Variants in TRIM49C observed in about 807,000 individuals in gnomAD.
TRIM49C encodes tripartite motif containing 49C.
In TRIM49C, 6 loss-of-function variants were observed where a neutral mutation model predicts 21.4. The ratio of observed to expected loss-of-function variants is 0.28; its 90% CI spans 0.15 to 0.55. The LOEUF (loss-of-function observed/expected upper bound fraction) is 0.55. TRIM49C is among the 20% of genes least tolerant of loss of function. TRIM49C has a pLI of 0.94. For missense variants in TRIM49C, 161 were observed against 442.4 expected, an observed-to-expected ratio of 0.36 and a Z score of 5.71; for synonymous variants, 57 against 148.1, an observed-to-expected ratio of 0.38 and a Z score of 4.47.
At chr11:90,060,255 G>A in the TRIM49C span, among the ~76,000 whole-genome samples, 6 of 138,896 alleles carry the variant, frequency 4.3e-5, no homozygotes, top group African/African-American at 5.5e-5. Context: ...TCACCTTGCC[G>A]ATACATTTCC....
the TRIM49C span, among the ~76,000 whole-genome samples, chr11:90,069,518 G>C: frequency 4.2e-3 from 546 of 128,640 alleles, 23 homozygotes; most frequent in African/African-American, 0.011. Flanking sequence ...GCTATTTCAT[G>C]TATTTCAGCT....
intron 2 of TRIM49C, among the ~76,000 whole-genome samples, chr11:90,034,827 T>C (rs1232660514): frequency 7.4e-6 from 1 of 134,648 alleles, no homozygotes; most frequent in Non-Finnish European, 1.6e-5. Context: ...GGATAGTTTT[T>C]TCCCTCCCAC....
the TRIM49C span, chr11:90,071,889 G>A: frequency 2.0e-5 from 11 of 554,372 alleles, no homozygotes; most frequent in African/African-American, 1.9e-4. Flanking sequence ...TCATCTAGAA[G>A]AAGAGAATAG....
downstream of TRIM49C, among the ~76,000 whole-genome samples, chr11:90,043,300 A>G (rs1300185996): frequency 6.6e-5 from 9 of 136,692 alleles, 1 homozygote; most frequent in African/African-American, 1.1e-4. Context: ...ATGATGGCAC[A>G]TGCTATAGTC....
At chr11:90,065,837 T>C in the TRIM49C span, among the ~76,000 whole-genome samples, 1 of 135,840 alleles carries the variant, frequency 7.4e-6, no homozygotes, top group Non-Finnish European at 1.6e-5. Flanking sequence ...GCACTTGTAA[T>C]CCTAGCTACT....
the TRIM49C span, chr11:90,071,751 G>T: frequency 1.6e-6 from 2 of 1,245,862 alleles, no homozygotes; most frequent in East Asian, 5.7e-5. Context: ...GCTCCCTACA[G>T]GGCCCATCAC....
the TRIM49C span, among the ~76,000 whole-genome samples, chr11:90,056,254 C>T: frequency 7.2e-6 from 1 of 137,962 alleles, no homozygotes; most frequent in Admixed American, 8.0e-5. Flanking sequence ...GCCACCGCGC[C>T]CAGCCCATCT....
At chr11:90,062,422 A>G in the TRIM49C span, among the ~76,000 whole-genome samples, 1 of 139,018 alleles carries the variant, frequency 7.2e-6, no homozygotes, top group African/African-American at 2.8e-5. Context: ...CTGTGATTAG[A>G]GTGCCAAATT....
the TRIM49C span, among the ~76,000 whole-genome samples, chr11:90,064,310 C>A: frequency 6.6e-6 from 1 of 151,464 alleles, no homozygotes. Flanking sequence ...AGAGAGAACA[C>A]TTTCACATTC....
At chr11:90,056,324 C>T in the TRIM49C span, among the ~76,000 whole-genome samples, 5 of 129,326 alleles carry the variant, frequency 3.9e-5, 1 homozygote, top group Non-Finnish European at 5.0e-5. Context: ...AAGGTTTATA[C>T]CACTTTATGC....
the TRIM49C span, among the ~76,000 whole-genome samples, chr11:90,067,282 G>T: frequency 1.4e-5 from 2 of 139,630 alleles, 1 homozygote; most frequent in African/African-American, 5.1e-5. Context: ...TTATGCTACT[G>T]TGAGCAGCAG....
chr11:90,070,579 G>C, the TRIM49C span, among the ~76,000 whole-genome samples: 2 of 139,130 alleles, frequency 1.4e-5, 1 homozygote, highest in Non-Finnish European at 3.1e-5. Flanking sequence ...AACATGGCAT[G>C]ACACTCCTCT....
Position 90,041,212 on chromosome 11 carries a change from T to C in TRIM49C, c.1021T>C (p.Tyr341His). Residue 341 changes from tyrosine (Y) to histidine (H), a missense_variant, in exon 8 of 8, where the codon TAT becomes CAT. This residue lies in a region of TRIM49C where 80 missense variants were observed against 314.8 expected (regional missense o/e 0.25). Transcript: ENST00000448984. ...WGVQTFTSGKYYWEVHVGDSW... is the reference protein window; with the variant it reads ...WGVQTFTSGKHYWEVHVGDSW... ...TGTTCAGACTTTCACCTCGGGCAAA[T>C]ATTACTGGGAGGTCCATGTAGGGGA... is the stretch of plus-strand genomic sequence containing the variant. The C allele has an allele frequency of 6.3e-7, 1 of 1,594,584 alleles. No homozygotes were observed. The highest frequency in any genetic ancestry group is 2.3e-5 in the East Asian group (1 of 44,146).
the TRIM49C span, among the ~76,000 whole-genome samples, chr11:90,055,618 T>C: frequency 4.7e-3 from 715 of 151,114 alleles, 13 homozygotes; most frequent in Middle Eastern, 0.048. Flanking sequence ...ATCTGCCTAA[T>C]TTTGAACCTA....
At chr11:90,035,139 A>G (rs1336744664) in intron 2 of TRIM49C, 69 bp from the exon 3 acceptor site, 5 of 1,573,664 alleles carry the variant, frequency 3.2e-6, no homozygotes, top group Non-Finnish European at 4.3e-6. Flanking sequence ...ACTATCACAT[A>G]TCTCCACATG....
At chr11:90,070,547 C>G in the TRIM49C span, among the ~76,000 whole-genome samples, 1 of 136,994 alleles carries the variant, frequency 7.3e-6, no homozygotes, top group African/African-American at 2.7e-5. Flanking sequence ...GGTAACTAGG[C>G]AGAGAATGTT....
the TRIM49C span, among the ~76,000 whole-genome samples, chr11:90,070,901 C>T: frequency 7.1e-6 from 1 of 140,756 alleles, no homozygotes; most frequent in Non-Finnish European, 1.5e-5. Flanking sequence ...TCAAGCTATT[C>T]TCCTGCCTCA....
At chr11:90,056,224 T>G in the TRIM49C span, among the ~76,000 whole-genome samples, 2 of 137,708 alleles carry the variant, frequency 1.5e-5, 1 homozygote, top group Admixed American at 1.6e-4. Context: ...CCTCCCAAAG[T>G]GCTGGGATTA....
At chr11:90,033,637 T>C (rs1228597999) in intron 2 of TRIM49C, among the ~76,000 whole-genome samples, 1 of 133,742 alleles carries the variant, frequency 7.5e-6, no homozygotes, top group African/African-American at 2.7e-5. Flanking sequence ...GTATATTCTA[T>C]CATATTAAAA....
Sources: allele counts gnomAD v4.1 joint callset (sites outside exome capture counted in the v4.1 genomes callset), GRCh38; gene constraint gnomAD v4.1.1; regional missense constraint gnomAD v4.1.1; transcripts MANE v1.5; gene names NCBI Gene and HGNC (gene_info 2026-07-23, HGNC 2026-07-21).